Variants in CNTNAP2 observed in about 807,000 individuals in gnomAD.
CNTNAP2 encodes contactin associated protein 2, also known as contactin-associated protein-like 2.
Under a neutral mutation model 155.2 loss-of-function variants are expected in CNTNAP2, and 98 were observed. That is an observed-to-expected ratio of 0.63 (90% confidence interval 0.54 to 0.75). CNTNAP2 has a LOEUF of 0.75. Among genes scored for constraint, CNTNAP2 ranks in the 30% least tolerant of loss-of-function variants. CNTNAP2 has a pLI of 0.00. For missense variants in CNTNAP2, 1,727 were observed against 1,688.1 expected, an observed-to-expected ratio of 1.02 and a Z score of -0.40; for synonymous variants, 651 against 631.2, an observed-to-expected ratio of 1.03 and a Z score of -0.47.
At chr7:147,492,450 T>C (rs1563226017) in intron 11 of CNTNAP2, among the ~76,000 whole-genome samples, 1 of 152,206 alleles carries the variant, frequency 6.6e-6, no homozygotes. Flanking sequence ...TATTGACTAG[T>C]ACATGACAAG....
chr7:147,315,683 T>C (rs1255138437), intron 9 of CNTNAP2, among the ~76,000 whole-genome samples: 1 of 152,026 alleles, frequency 6.6e-6, no homozygotes, highest in Non-Finnish European at 1.5e-5. Context: ...CGTTTAACTG[T>C]GTCAGCCATG....
At chr7:146,961,935 C>G (rs1797564726) in intron 3 of CNTNAP2, among the ~76,000 whole-genome samples, 1 of 152,064 alleles carries the variant, frequency 6.6e-6, no homozygotes, top group South Asian at 2.1e-4. Context: ...TAATGAGCTG[C>G]TTGAGGTCAT....
rs57444105 is a variant in CNTNAP2 at position 147,071,325 on chromosome 7, C to CAAA, written c.550+27283_550+27285dup. On this transcript the variant is annotated intron_variant, in intron 4 of 23. Coordinates refer to ENST00000361727, the MANE Select transcript of CNTNAP2 (RefSeq NM_014141.6). ...AACAGGTATAAAGCAGATTATCCTG[C>CAAA]AAAAAAAAAAAAAAGATGTATACAT... Among the ~76,000 whole-genome samples, 138 of 132,902 alleles carry CAAA rather than the reference C, an allele frequency of 1.0e-3. 1 individual carries two copies. The highest frequency in any genetic ancestry group is 7.6e-3 in the Middle Eastern group (2 of 264). 87.2% of individuals were successfully genotyped at this position (132,902 alleles called of 152,430 possible).
intron 13 of CNTNAP2, among the ~76,000 whole-genome samples, chr7:147,820,600 TA>T (rs1395635572): frequency 6.6e-6 from 1 of 152,116 alleles, no homozygotes; most frequent in African/African-American, 2.4e-5. Context: ...CCCAAGTTCA[TA>T]AAAAATATTC....
chr7:146,934,469 G>T (rs989192712), intron 3 of CNTNAP2, among the ~76,000 whole-genome samples: 1 of 140,300 alleles, frequency 7.1e-6, no homozygotes, highest in East Asian at 2.4e-4. Context: ...AAGGGGGGAG[G>T]GAGAGCAATA....
intron 3 of CNTNAP2, 80 bp downstream of exon 3, chr7:146,839,984 A>G: frequency 4.9e-6 from 7 of 1,437,994 alleles, no homozygotes; most frequent in African/African-American, 1.4e-5. Context: ...CTAAGCATAT[A>G]TAGTTATCAA....
At chr7:146,663,064 G>T (rs926992535) in intron 1 of CNTNAP2, among the ~76,000 whole-genome samples, 1 of 152,184 alleles carries the variant, frequency 6.6e-6, no homozygotes, top group Admixed American at 6.5e-5. Flanking sequence ...GATCACCTGA[G>T]GTCAGGAGTT....
intron 13 of CNTNAP2, among the ~76,000 whole-genome samples, chr7:147,866,052 G>A (rs1207038029): frequency 1.3e-5 from 2 of 152,036 alleles, no homozygotes; most frequent in African/African-American, 4.8e-5. Flanking sequence ...TTTCTCTTGT[G>A]GGCATTTAGT....
Position 147,789,899 on chromosome 7 carries a change from C to T in CNTNAP2, c.2099-113666C>T, listed in dbSNP as rs191121901. Among the ~76,000 whole-genome samples, 407 of 152,298 alleles carry T rather than the reference C, an allele frequency of 2.7e-3. 2 individuals are homozygous for T. The highest frequency in any genetic ancestry group is 3.9e-3 in the Non-Finnish European group (268 of 68,026). ...AGCCACAAACCGAAGGCTGTTCTGT[C>T]GGCTTTCCTACTTTTGAAGTCTGGG... On this transcript the variant is annotated intron_variant, in intron 13 of 23. Transcript: ENST00000361727.
intron 3 of CNTNAP2, among the ~76,000 whole-genome samples, chr7:146,844,683 A>G (rs1175993621): frequency 6.6e-6 from 1 of 152,146 alleles, no homozygotes; most frequent in African/African-American, 2.4e-5. Context: ...CTGGAGTAAA[A>G]GCAGTGGATG....
chr7:147,852,171 A>C (rs182822573), intron 13 of CNTNAP2, among the ~76,000 whole-genome samples: 1 of 152,306 alleles, frequency 6.6e-6, no homozygotes, highest in Admixed American at 6.5e-5. Flanking sequence ...TACAACATGA[A>C]TTCATGAATT....
chr7:147,795,297 A>G, intron 13 of CNTNAP2, among the ~76,000 whole-genome samples: 1 of 151,832 alleles, frequency 6.6e-6, no homozygotes, highest in Admixed American at 6.6e-5. Flanking sequence ...CAGTCTCACA[A>G]TTTCTGCCTT....
chr7:147,615,371 G>A (rs894545481), intron 12 of CNTNAP2, among the ~76,000 whole-genome samples: 60 of 145,054 alleles, frequency 4.1e-4, no homozygotes, highest in African/African-American at 1.5e-3. Context: ...ATCCCAGCAC[G>A]TTGGGTGGCT....
At chr7:146,906,041 C>G (rs975362999) in intron 3 of CNTNAP2, among the ~76,000 whole-genome samples, 3 of 152,166 alleles carry the variant, frequency 2.0e-5, no homozygotes, top group African/African-American at 4.8e-5. Flanking sequence ...AAAGGGGTGA[C>G]GGACGCACCT....
intron 15 of CNTNAP2, among the ~76,000 whole-genome samples, chr7:148,051,225 T>G (rs1389340026): frequency 6.6e-6 from 1 of 152,218 alleles, no homozygotes; most frequent in Non-Finnish European, 1.5e-5. Flanking sequence ...TAATTTGCTT[T>G]CACTTGGGCC....
chr7:147,855,108 C>A (rs576028562), intron 13 of CNTNAP2, among the ~76,000 whole-genome samples: 1 of 152,032 alleles, frequency 6.6e-6, no homozygotes, highest in Non-Finnish European at 1.5e-5. Context: ...ATTACATATG[C>A]GGCTCACATT....
Position 146,352,900 on chromosome 7 carries a change from A to G in CNTNAP2, c.97+235927A>G, listed in dbSNP as rs376397927. Among the ~76,000 whole-genome samples the G allele has an allele frequency of 6.5e-3, 979 of 150,984 alleles. 6 individuals carry two copies. Among genetic ancestry groups the G allele is most frequent in the African/African-American group, 0.013 (524 of 40,942 alleles). On this transcript the variant is annotated intron_variant, in intron 1 of 23. Transcript: ENST00000361727. ...CTCCCTAGTCGCTAGGACTACAGGC[A>G]CCCGCCACCACGCCCGGCTAATTTT...
At chr7:146,639,781 AATT>A (rs1350288094) in intron 1 of CNTNAP2, among the ~76,000 whole-genome samples, 13 of 152,236 alleles carry the variant, frequency 8.5e-5, no homozygotes, top group African/African-American at 3.1e-4. Flanking sequence ...GACATAGGTC[AATT>A]ATTATCACAG....
chr7:146,167,363 C>A (rs1232815278), intron 1 of CNTNAP2, among the ~76,000 whole-genome samples: 2 of 152,172 alleles, frequency 1.3e-5, no homozygotes, highest in Non-Finnish European at 2.9e-5. Context: ...ATATGAAAGA[C>A]TTTCAGATGG....
Sources: allele counts gnomAD v4.1 joint callset (sites outside exome capture counted in the v4.1 genomes callset), GRCh38; gene constraint gnomAD v4.1.1; transcripts MANE v1.5; gene names NCBI Gene and HGNC (gene_info 2026-07-23, HGNC 2026-07-21).